Variants in OPCML observed in about 807,000 individuals in gnomAD.
OPCML encodes the protein opioid-binding protein/cell adhesion molecule.
A neutral mutation model predicts 37.8 loss-of-function variants in OPCML; 13 were observed. That is an observed-to-expected ratio of 0.34 (90% CI 0.22 to 0.55). The LOEUF is 0.55. Among genes scored for constraint, OPCML ranks in the 20% least tolerant of loss-of-function variants. The pLI is 0.91. For synonymous variants in OPCML, 176 were observed against 168.8 expected, an observed-to-expected ratio of 1.04 and a Z score of -0.33; for missense variants, 341 against 435.6, an observed-to-expected ratio of 0.78 and a Z score of 1.93.
intron 1 of OPCML, among the ~76,000 whole-genome samples, chr11:133,275,622 C>T (rs1194524072): frequency 6.6e-6 from 1 of 152,130 alleles, no homozygotes; most frequent in Non-Finnish European, 1.5e-5. Flanking sequence ...CTAGCCCCCA[C>T]CAGAGAATGA....
chr11:132,822,412 G>A (rs1198388942), intron 2 of OPCML, among the ~76,000 whole-genome samples: 1 of 152,198 alleles, frequency 6.6e-6, no homozygotes, highest in Non-Finnish European at 1.5e-5. Flanking sequence ...ACATTCCCCT[G>A]AGAAACCAGG....
At chr11:132,753,567 T>TAGAC (rs57416683) in intron 2 of OPCML, among the ~76,000 whole-genome samples, 6,211 of 152,074 alleles carry the variant, frequency 0.041, 244 homozygotes, top group African/African-American at 0.11. Context: ...TGCACATATA[T>TAGAC]AGATAGATAT....
At chr11:132,672,491 C>T (rs1894196) in intron 2 of OPCML, among the ~76,000 whole-genome samples, 8,846 of 152,158 alleles carry the variant, frequency 0.058, 658 homozygotes, top group East Asian at 0.21. Flanking sequence ...TGGAAAGAAG[C>T]GGCTTAAATC....
intron 1 of OPCML, among the ~76,000 whole-genome samples, chr11:133,079,853 T>C (rs1429597462): frequency 6.6e-6 from 1 of 152,090 alleles, no homozygotes; most frequent in African/African-American, 2.4e-5. Context: ...TGCCTTTTGC[T>C]CCATAATGAT....
intron 4 of OPCML, among the ~76,000 whole-genome samples, chr11:132,515,231 T>C (rs1482972034): frequency 6.6e-6 from 1 of 152,092 alleles, no homozygotes; most frequent in African/African-American, 2.4e-5. Flanking sequence ...AGGATTACTC[T>C]CACCATTAAG....
intron 1 of OPCML, among the ~76,000 whole-genome samples, chr11:133,083,462 G>A (rs1948772477): frequency 6.6e-6 from 1 of 152,246 alleles, no homozygotes; most frequent in Non-Finnish European, 1.5e-5. Flanking sequence ...AGCCTGGGAA[G>A]GGCCAGAGAG....
chr11:132,640,813 C>A (rs949789095), intron 3 of OPCML, among the ~76,000 whole-genome samples: 12 of 152,118 alleles, frequency 7.9e-5, no homozygotes, highest in African/African-American at 2.2e-4. Flanking sequence ...AGCCCTGAAC[C>A]AAGCAGGCAG....
In OPCML at chr11:132,682,082, C is replaced by T. The variant is rs544933489; in HGVS notation, c.147-24763G>A. Among the ~76,000 whole-genome samples the T allele has an allele frequency of 4.6e-5, 7 of 152,244 alleles. No individual in the cohort carries two copies. The South Asian group carries it at 1.5e-3, about 32-fold the overall frequency. On this transcript the variant is annotated intron_variant, in intron 2 of 7. Transcript: ENST00000524381. ...CTGGGGCTTCAGGGGACTCAGGTAT[C>T]CCCCCAGATGCTGCTGCATAGCTGC...
intron 2 of OPCML, among the ~76,000 whole-genome samples, chr11:132,864,091 C>G (rs569664648): frequency 2.1e-4 from 32 of 152,112 alleles, no homozygotes; most frequent in Non-Finnish European, 3.4e-4. Context: ...GCATGCGCCA[C>G]CAAGCCTGGC....
intron 1 of OPCML, among the ~76,000 whole-genome samples, chr11:133,373,139 C>T (rs986151988): frequency 6.6e-6 from 1 of 152,054 alleles, no homozygotes; most frequent in Non-Finnish European, 1.5e-5. Context: ...TAAAAACTGC[C>T]TCTGCTACCA....
intron 1 of OPCML, among the ~76,000 whole-genome samples, chr11:133,342,408 G>T (rs1943892593): frequency 6.6e-6 from 1 of 152,162 alleles, no homozygotes; most frequent in African/African-American, 2.4e-5. Context: ...CTCTGTACTA[G>T]AAATCGAAGG....
intron 1 of OPCML, among the ~76,000 whole-genome samples, chr11:133,047,323 G>C (rs984833575): frequency 6.6e-6 from 1 of 152,330 alleles, no homozygotes; most frequent in African/African-American, 2.4e-5. Context: ...TTTCTTCATC[G>C]TGATGCAGCT....
chr11:133,178,470 T>C (rs928306633), intron 1 of OPCML, among the ~76,000 whole-genome samples: 2 of 152,054 alleles, frequency 1.3e-5, no homozygotes, highest in African/African-American at 4.8e-5. Flanking sequence ...TGTATATATA[T>C]TAGACTCTTG....
intron 1 of OPCML, among the ~76,000 whole-genome samples, chr11:133,129,769 G>A (rs1487410532): frequency 6.6e-6 from 1 of 152,098 alleles, no homozygotes; most frequent in Non-Finnish European, 1.5e-5. Context: ...AGCTGTGTGT[G>A]TCATGGCACA....
At chr11:133,046,797 C>T (rs12275435) in intron 1 of OPCML, among the ~76,000 whole-genome samples, 24,118 of 152,182 alleles carry the variant, frequency 0.16, 2,164 homozygotes, top group African/African-American at 0.22. Context: ...TACTTAACAG[C>T]AGTCTCCTCT....
chr11:132,949,201 G>T lies in OPCML; in HGVS notation c.62-6191C>A, dbSNP rs61909275. Among the ~76,000 whole-genome samples, 786 of 152,270 alleles carry T rather than the reference G, an allele frequency of 5.2e-3. 1 individual carries two copies. The highest frequency in any genetic ancestry group is 7.8e-3 in the Non-Finnish European group (531 of 68,014). Reference sequence around the variant, plus strand: ...AGAGAAGCTACATGAAACGTAAGGCGACCCACCTGGGAAAAACACCTGTAA... The same window carrying T: ...AGAGAAGCTACATGAAACGTAAGGCTACCCACCTGGGAAAAACACCTGTAA... On this transcript the variant is annotated intron_variant, in intron 1 of 7. Coordinates refer to ENST00000524381, the MANE Select transcript of OPCML (RefSeq NM_001012393.5).
intron 3 of OPCML, among the ~76,000 whole-genome samples, chr11:132,641,170 A>G (rs1485367676): frequency 6.6e-6 from 1 of 152,160 alleles, no homozygotes; most frequent in African/African-American, 2.4e-5. Context: ...CACCTTACTC[A>G]GGAAACTGGG....
intron 1 of OPCML, among the ~76,000 whole-genome samples, chr11:133,397,029 T>G (rs1355020633): frequency 6.6e-6 from 1 of 152,120 alleles, no homozygotes; most frequent in Non-Finnish European, 1.5e-5. Flanking sequence ...AACGTGCACA[T>G]AGTAGCACTC....
chr11:132,890,066 T>C (rs1943582663), intron 2 of OPCML, among the ~76,000 whole-genome samples: 1 of 152,210 alleles, frequency 6.6e-6, no homozygotes, highest in Non-Finnish European at 1.5e-5. Flanking sequence ...GGCAACTTTT[T>C]ATCTTTGTGG....
Sources: allele counts gnomAD v4.1 joint callset (sites outside exome capture counted in the v4.1 genomes callset), GRCh38; gene constraint gnomAD v4.1.1; transcripts MANE v1.5; gene names NCBI Gene and HGNC (gene_info 2026-07-23, HGNC 2026-07-21).